Variants in LINGO2 observed in about 807,000 individuals in gnomAD.
LINGO2 encodes leucine-rich repeat and immunoglobulin-like domain-containing nogo receptor-interacting protein 2.
In LINGO2, 14 loss-of-function variants were observed where a neutral mutation model predicts 30.6. The observed-to-expected ratio is 0.46, with a 90% CI of 0.30 to 0.72. LINGO2 has a LOEUF of 0.72. Ranked by LOEUF, LINGO2 falls within the 30% of genes least tolerant of loss-of-function variation. LINGO2 has a pLI of 0.07. For missense variants in LINGO2, 729 were observed against 751.7 expected, an observed-to-expected ratio of 0.97 and a Z score of 0.35; for synonymous variants, 317 against 288.5, an observed-to-expected ratio of 1.10 and a Z score of -1.00.
chr9:28,790,492 C>G, the LINGO2 span, among the ~76,000 whole-genome samples: 1 of 145,598 alleles, frequency 6.9e-6, no homozygotes, highest in Non-Finnish European at 1.5e-5. Flanking sequence ...CCACGCCCGG[C>G]TAATTTTTTG....
chr9:28,486,712 T>TA (rs34793119), intron 1 of LINGO2, among the ~76,000 whole-genome samples: 72,871 of 151,568 alleles, frequency 0.48, 19,130 homozygotes, highest in Middle Eastern at 0.65. Context: ...TACTTCAATG[T>TA]AAAAAAAATC....
chr9:28,844,011 G>C, the LINGO2 span, among the ~76,000 whole-genome samples: 1 of 151,722 alleles, frequency 6.6e-6, no homozygotes, highest in Admixed American at 6.6e-5. Context: ...TGAATTCTAT[G>C]TACCTGTAGC....
chr9:29,171,330 C>T, the LINGO2 span, among the ~76,000 whole-genome samples: 1 of 152,070 alleles, frequency 6.6e-6, no homozygotes, highest in African/African-American at 2.4e-5. Flanking sequence ...ATAAGCCTCA[C>T]ACTGAGGAGA....
chr9:29,072,501 TA>T, the LINGO2 span, among the ~76,000 whole-genome samples: 2 of 151,652 alleles, frequency 1.3e-5, no homozygotes, highest in Non-Finnish European at 2.9e-5. Flanking sequence ...TATATCTCAA[TA>T]AAGCTGTTTA....
the LINGO2 span, among the ~76,000 whole-genome samples, chr9:28,961,194 C>T: frequency 6.6e-6 from 1 of 152,110 alleles, no homozygotes. Context: ...ATACTATCGC[C>T]GGCAAGAGTC....
At chr9:28,244,469 A>G (rs905976693) in intron 4 of LINGO2, among the ~76,000 whole-genome samples, 2 of 152,180 alleles carry the variant, frequency 1.3e-5, no homozygotes, top group Non-Finnish European at 2.9e-5. Context: ...GTGGAACTGA[A>G]GGAGACAGAG....
chr9:28,875,482 T>C, the LINGO2 span, among the ~76,000 whole-genome samples: 3 of 152,082 alleles, frequency 2.0e-5, no homozygotes, highest in South Asian at 2.1e-4. Flanking sequence ...AATATAACAA[T>C]ACCACTTTAC....
intron 4 of LINGO2, among the ~76,000 whole-genome samples, chr9:28,249,307 T>A (rs1446854997): frequency 4.6e-5 from 7 of 152,124 alleles, no homozygotes; most frequent in Admixed American, 2.6e-4. Context: ...AAATATATTT[T>A]TATGCTGAAA....
At chr9:28,679,566 C>A in the LINGO2 span, among the ~76,000 whole-genome samples, 8 of 151,970 alleles carry the variant, frequency 5.3e-5, no homozygotes, top group African/African-American at 1.9e-4. Context: ...AAAAGCTGTA[C>A]ATATTTAATG....
At chr9:28,201,679 G>C (rs1056014761) in intron 4 of LINGO2, among the ~76,000 whole-genome samples, 2 of 151,784 alleles carry the variant, frequency 1.3e-5, no homozygotes, top group Non-Finnish European at 2.9e-5. Flanking sequence ...GGTTGAACCA[G>C]TTTACAGTCC....
chr9:28,677,153 GA>G, the LINGO2 span, among the ~76,000 whole-genome samples: 1 of 152,132 alleles, frequency 6.6e-6, no homozygotes, highest in South Asian at 2.1e-4. Context: ...TTGTGGCACA[GA>G]GGGATTAACT....
At chr9:27,973,622 C>A (rs1438466776) in intron 5 of LINGO2, among the ~76,000 whole-genome samples, 1 of 152,148 alleles carries the variant, frequency 6.6e-6, no homozygotes, top group East Asian at 1.9e-4. Flanking sequence ...AAGAGAGTCA[C>A]TGGATGAGAT....
At chr9:28,975,231 A>G in the LINGO2 span, among the ~76,000 whole-genome samples, 1 of 152,136 alleles carries the variant, frequency 6.6e-6, no homozygotes, top group Non-Finnish European at 1.5e-5. Flanking sequence ...TAGGAAAAGC[A>G]GAGAAAAAAA....
At chr9:28,587,700 C>T (rs1272349648) in intron 1 of LINGO2, among the ~76,000 whole-genome samples, 4 of 151,674 alleles carry the variant, frequency 2.6e-5, no homozygotes, top group Admixed American at 1.3e-4. Context: ...ATAGATGCCA[C>T]GTAGGCCAGG....
chr9:29,075,939 T>G, the LINGO2 span, among the ~76,000 whole-genome samples: 1 of 152,160 alleles, frequency 6.6e-6, no homozygotes. Flanking sequence ...CATGCCGGAA[T>G]GCAATGGTGC....
At chr9:28,145,077 CCTTTTCT>C (rs1325976696) in intron 4 of LINGO2, among the ~76,000 whole-genome samples, 2 of 152,290 alleles carry the variant, frequency 1.3e-5, no homozygotes, top group East Asian at 3.9e-4. Flanking sequence ...CAAAATGTCA[CCTTTTCT>C]CTTTTCTCCA....
chr9:28,508,268 A>G (rs1051868165), intron 1 of LINGO2, among the ~76,000 whole-genome samples: 1 of 152,140 alleles, frequency 6.6e-6, no homozygotes, highest in Non-Finnish European at 1.5e-5. Context: ...CAGCTTTAAT[A>G]TATCATTGTT....
chr9:29,072,797 T>C, the LINGO2 span, among the ~76,000 whole-genome samples: 6 of 151,798 alleles, frequency 4.0e-5, no homozygotes, highest in African/African-American at 9.7e-5. Context: ...CACATGGCCA[T>C]AGAGCTTTTG....
the LINGO2 span, among the ~76,000 whole-genome samples, chr9:28,847,891 T>C: frequency 1.3e-4 from 17 of 126,060 alleles, 3 homozygotes; most frequent in Non-Finnish European, 2.4e-4. Flanking sequence ...TATACACATA[T>C]ATGTATAGTA....
Sources: allele counts gnomAD v4.1 joint callset (sites outside exome capture counted in the v4.1 genomes callset), GRCh38; gene constraint gnomAD v4.1.1; transcripts MANE v1.5; gene names NCBI Gene and HGNC (gene_info 2026-07-23, HGNC 2026-07-21).